The following OPCML variants were observed in gnomAD, a reference collection of about 807,000 sequenced individuals.
OPCML encodes opioid-binding protein/cell adhesion molecule.
OPCML carries 13 observed loss-of-function variants against 37.8 expected under a neutral mutation model. That is an observed-to-expected ratio of 0.34 (90% CI 0.22 to 0.55). OPCML has a LOEUF of 0.55. Among genes scored for constraint, OPCML ranks in the 20% least tolerant of loss-of-function variants. The pLI is 0.91. For synonymous variants in OPCML, 176 were observed against 168.8 expected (o/e 1.04, Z -0.33); for missense variants, 341 against 435.6 (o/e 0.78, Z 1.93).
intron 1 of OPCML, among the ~76,000 whole-genome samples, chr11:133,129,362 G>A (rs1949569366): frequency 6.6e-6 from 1 of 152,138 alleles, no homozygotes; most frequent in Non-Finnish European, 1.5e-5. Context: ...CACCACGCAG[G>A]AAAGCCGTGT....
chr11:132,954,855 CA>C (rs1204844500), intron 1 of OPCML, among the ~76,000 whole-genome samples: 1 of 151,710 alleles, frequency 6.6e-6, no homozygotes, highest in Non-Finnish European at 1.5e-5. Context: ...GAGGAATGGC[CA>C]AAAAAATAGA....
intron 1 of OPCML, among the ~76,000 whole-genome samples, chr11:133,269,425 C>G (rs1181849617): frequency 6.6e-6 from 1 of 152,238 alleles, no homozygotes; most frequent in Non-Finnish European, 1.5e-5. Flanking sequence ...AGAACAGTTA[C>G]TCTGGGGATT....
intron 1 of OPCML, among the ~76,000 whole-genome samples, chr11:133,075,592 C>T (rs2137018703): frequency 6.6e-6 from 1 of 152,336 alleles, no homozygotes; most frequent in East Asian, 1.9e-4. Context: ...AGTGATGCCT[C>T]TCACGCCTGG....
At chr11:133,160,947 T>C (rs1271254197) in intron 1 of OPCML, among the ~76,000 whole-genome samples, 2 of 152,158 alleles carry the variant, frequency 1.3e-5, no homozygotes, top group East Asian at 1.9e-4. Flanking sequence ...TTCTGCACGG[T>C]GTGAGGCCTG....
intron 1 of OPCML, among the ~76,000 whole-genome samples, chr11:133,093,222 C>G (rs1591994360): frequency 6.6e-6 from 1 of 151,224 alleles, no homozygotes; most frequent in Non-Finnish European, 1.5e-5. Flanking sequence ...CCCTTGCCAA[C>G]CCCCCCAACC....
chr11:133,326,800 G>A (rs1943475713), intron 1 of OPCML, among the ~76,000 whole-genome samples: 1 of 146,434 alleles, frequency 6.8e-6, no homozygotes, highest in South Asian at 2.3e-4. Context: ...GTGGGGTGTG[G>A]GTGTGTGTAC....
At chr11:133,225,172 C>A (rs1939989567) in intron 1 of OPCML, among the ~76,000 whole-genome samples, 1 of 152,190 alleles carries the variant, frequency 6.6e-6, no homozygotes, top group African/African-American at 2.4e-5. Flanking sequence ...ATTTGGCAAT[C>A]AGGCACTTTG....
chr11:132,735,645 G>A (rs894114601), intron 2 of OPCML, among the ~76,000 whole-genome samples: 17 of 151,946 alleles, frequency 1.1e-4, no homozygotes, highest in African/African-American at 3.9e-4. Context: ...CACTACGCCC[G>A]ACTAATTTTT....
chr11:133,003,898 C>G (rs1947057161), intron 1 of OPCML: 1 of 985,394 alleles, frequency 1.0e-6, no homozygotes, highest in African/African-American at 1.7e-5. Context: ...TGTCAGGATC[C>G]CCGCCAATCC....
At chr11:132,709,610 C>T (rs1356034317) in intron 2 of OPCML, among the ~76,000 whole-genome samples, 1 of 152,084 alleles carries the variant, frequency 6.6e-6, no homozygotes, top group East Asian at 1.9e-4. Context: ...GTAGCATGCC[C>T]CCCTGGTTTC....
At chr11:132,779,562 G>A (rs577827003) in intron 2 of OPCML, among the ~76,000 whole-genome samples, 1 of 151,424 alleles carries the variant, frequency 6.6e-6, no homozygotes, top group East Asian at 2.0e-4. Flanking sequence ...CAGAAGGGGG[G>A]CGTGGGGAGA....
At chr11:132,532,254 G>A (rs1466895254) in intron 3 of OPCML, among the ~76,000 whole-genome samples, 1 of 152,114 alleles carries the variant, frequency 6.6e-6, no homozygotes. Flanking sequence ...AGTGTTGTCT[G>A]CTTTCCTCTG....
At chr11:132,983,975 G>T (rs1946639720) in intron 1 of OPCML, among the ~76,000 whole-genome samples, 1 of 152,154 alleles carries the variant, frequency 6.6e-6, no homozygotes, top group African/African-American at 2.4e-5. Context: ...CTATTGTCTG[G>T]ATTCCTCAGA....
At chr11:132,745,563 C>CAAAAAAAAAAAAA (rs10562857) in intron 2 of OPCML, among the ~76,000 whole-genome samples, 2 of 102,968 alleles carry the variant, frequency 1.9e-5, no homozygotes, top group African/African-American at 3.6e-5. Flanking sequence ...TGCTGTCTTG[C>CAAAAAAAAAAAAA]AAAAAAAAAA....
At chr11:133,060,402 G>C (rs1948319881) in intron 1 of OPCML, among the ~76,000 whole-genome samples, 1 of 152,192 alleles carries the variant, frequency 6.6e-6, no homozygotes, top group African/African-American at 2.4e-5. Flanking sequence ...TGACACAATA[G>C]CCGCATGCTG....
At chr11:133,152,875 C>CTT (rs11361893) in intron 1 of OPCML, among the ~76,000 whole-genome samples, 6 of 147,820 alleles carry the variant, frequency 4.1e-5, no homozygotes, top group African/African-American at 1.2e-4. Context: ...TCAGGTTATC[C>CTT]TTTTTTTTTT....
intron 4 of OPCML, among the ~76,000 whole-genome samples, chr11:132,481,660 T>C (rs1295663810): frequency 7.9e-5 from 12 of 151,390 alleles, no homozygotes; most frequent in Admixed American, 7.9e-4. Context: ...GTTGACCACA[T>C]AGTTGGAAGT....
At chr11:132,815,450 C>T (rs2136234731) in intron 2 of OPCML, among the ~76,000 whole-genome samples, 1 of 152,254 alleles carries the variant, frequency 6.6e-6, no homozygotes, top group Middle Eastern at 3.4e-3. Context: ...CAATGGGTGC[C>T]CTTCGCTCTT....
At chr11:132,999,021 T>C (rs897166495) in intron 1 of OPCML, among the ~76,000 whole-genome samples, 2 of 152,176 alleles carry the variant, frequency 1.3e-5, no homozygotes, top group African/African-American at 4.8e-5. Flanking sequence ...TTTCCGCAGA[T>C]GAGGAAACAA....
Sources: allele counts gnomAD v4.1 joint callset (sites outside exome capture counted in the v4.1 genomes callset), GRCh38; gene constraint gnomAD v4.1.1; transcripts MANE v1.5; gene names NCBI Gene and HGNC (gene_info 2026-07-23, HGNC 2026-07-21).